The following ITGA9 variants were observed in gnomAD, a reference collection of about 807,000 sequenced individuals.
ITGA9 encodes the protein integrin alpha-9.
A neutral mutation model predicts 127.8 loss-of-function variants in ITGA9; 56 were observed. The ratio of observed to expected loss-of-function variants is 0.44; its 90% confidence interval spans 0.35 to 0.55. The LOEUF (loss-of-function observed/expected upper bound fraction) is 0.55, where lower values mean the gene tolerates loss of function less well. ITGA9 is among the 20% of genes least tolerant of loss of function. The pLI, the probability that ITGA9 is intolerant of heterozygous loss-of-function variation, is 0.00. For synonymous variants in ITGA9, 508 were observed against 514.5 expected (o/e 0.99, Z 0.17); for missense variants, 1,196 against 1,347.1 (o/e 0.89, Z 1.76).
intron 27 of ITGA9, among the ~76,000 whole-genome samples, chr3:37,813,433 A>G (rs1697392570): frequency 6.6e-6 from 1 of 152,114 alleles, no homozygotes; most frequent in African/African-American, 2.4e-5. Context: ...AGTTGAAGTC[A>G]TTATCTTTAC....
intron 23 of ITGA9, among the ~76,000 whole-genome samples, chr3:37,754,975 C>A (rs747272951): frequency 9.9e-5 from 15 of 152,078 alleles, no homozygotes; most frequent in Non-Finnish European, 2.1e-4. Flanking sequence ...CCAAGGATGA[C>A]CTGGAGGAGC....
intron 23 of ITGA9, among the ~76,000 whole-genome samples, chr3:37,756,360 A>G (rs191104898): frequency 6.6e-6 from 1 of 152,206 alleles, no homozygotes; most frequent in East Asian, 1.9e-4. Flanking sequence ...TTAACCATAG[A>G]AACACAAAAA....
intron 26 of ITGA9, among the ~76,000 whole-genome samples, chr3:37,789,700 C>T (rs776824236): frequency 1.3e-4 from 17 of 126,494 alleles, no homozygotes; most frequent in South Asian, 2.7e-4. Flanking sequence ...ACCCAGAAGG[C>T]GGAGCTTGCA....
intron 15 of ITGA9, among the ~76,000 whole-genome samples, chr3:37,608,435 T>C (rs1396772777): frequency 8.8e-6 from 1 of 114,262 alleles, no homozygotes; most frequent in Admixed American, 8.0e-5. Flanking sequence ...CCAAGTAAGA[T>C]TTACAAAACA....
intron 17 of ITGA9, among the ~76,000 whole-genome samples, chr3:37,682,015 T>C (rs1292110015): frequency 6.6e-6 from 1 of 152,162 alleles, no homozygotes; most frequent in Non-Finnish European, 1.5e-5. Context: ...CCCCAGCAAT[T>C]GTTGCCTGTC....
chr3:37,609,560 A>G (rs1329722200), intron 15 of ITGA9, among the ~76,000 whole-genome samples: 3 of 152,326 alleles, frequency 2.0e-5, no homozygotes, highest in Non-Finnish European at 4.4e-5. Flanking sequence ...TGTTAAATCC[A>G]TAATTTGTGA....
intron 11 of ITGA9, among the ~76,000 whole-genome samples, chr3:37,520,691 C>T (rs1699035485): frequency 6.6e-6 from 1 of 152,202 alleles, no homozygotes. Flanking sequence ...ATTCAGCCCA[C>T]AAGGCAGGAG....
chr3:37,765,223 G>T (rs970655792), intron 23 of ITGA9, among the ~76,000 whole-genome samples: 4 of 152,004 alleles, frequency 2.6e-5, no homozygotes, highest in African/African-American at 4.8e-5. Context: ...AGATCGCCCA[G>T]TAGGAATATT....
intron 16 of ITGA9, among the ~76,000 whole-genome samples, chr3:37,644,863 G>C (rs116005906): frequency 9.2e-5 from 14 of 152,314 alleles, no homozygotes; most frequent in Non-Finnish European, 1.8e-4. Flanking sequence ...ATTGATTCTT[G>C]AGGATATGAA....
intron 13 of ITGA9, among the ~76,000 whole-genome samples, chr3:37,529,324 GT>G (rs1366899392): frequency 2.0e-5 from 3 of 152,158 alleles, no homozygotes; most frequent in Non-Finnish European, 4.4e-5. Flanking sequence ...GGGTTACTTG[GT>G]CAGGCAGTGG....
intron 16 of ITGA9, among the ~76,000 whole-genome samples, chr3:37,650,066 T>C (rs1171868273): frequency 6.6e-6 from 1 of 152,224 alleles, no homozygotes; most frequent in Non-Finnish European, 1.5e-5. Flanking sequence ...GTGACTCACG[T>C]AGCCTGCAAG....
intron 16 of ITGA9, among the ~76,000 whole-genome samples, chr3:37,630,917 A>G (rs1328734844): frequency 1.3e-5 from 2 of 152,102 alleles, no homozygotes; most frequent in Non-Finnish European, 1.5e-5. Flanking sequence ...AAGGCTAGAG[A>G]AGAGTAGAAG....
intron 3 of ITGA9, among the ~76,000 whole-genome samples, chr3:37,474,551 G>A (rs576367436): frequency 2.3e-3 from 343 of 152,218 alleles, no homozygotes; most frequent in Non-Finnish European, 3.6e-3. Context: ...GGGTTTTCAC[G>A]CATGTACACT....
At chr3:37,543,489 A>G (rs571978516) in intron 15 of ITGA9, among the ~76,000 whole-genome samples, 19 of 152,334 alleles carry the variant, frequency 1.2e-4, no homozygotes, top group East Asian at 7.7e-4. Flanking sequence ...ACATTACACA[A>G]TGAATTTACT....
Position 37,799,148 on chromosome 3 carries a change from T to C in ITGA9, c.2890-4675T>C, listed in dbSNP as rs1054118965. ...AGTTTTCAAGTACTGAATTAATGGA[T>C]CAAAGGGTATGAACATTTTTATTTT... is the stretch of plus-strand genomic sequence containing the variant. On this transcript the variant is annotated intron_variant, in intron 26 of 27. Coordinates refer to ENST00000264741, the MANE Select transcript of ITGA9 (RefSeq NM_002207.3). The surrounding 1 kb of genome is among the most constrained non-coding windows in gnomAD (Gnocchi z 4.0). Among the ~76,000 whole-genome samples the C allele has an allele frequency of 1.6e-4, 25 of 152,276 alleles. No homozygotes were observed. The highest frequency in any genetic ancestry group is 5.8e-4 in the African/African-American group (24 of 41,566).
chr3:37,694,695 C>A, intron 18 of ITGA9, among the ~76,000 whole-genome samples: 1 of 152,004 alleles, frequency 6.6e-6, no homozygotes, highest in East Asian at 1.9e-4. Context: ...TGTGTTAAAC[C>A]TCTAGATTTC....
chr3:37,642,052 C>T (rs765868303), intron 16 of ITGA9, among the ~76,000 whole-genome samples: 1 of 152,176 alleles, frequency 6.6e-6, no homozygotes, highest in Non-Finnish European at 1.5e-5. Context: ...ATCCTCCCAC[C>T]TCAGCCTCCC....
intron 18 of ITGA9, among the ~76,000 whole-genome samples, chr3:37,685,731 G>A (rs1700776647): frequency 6.6e-6 from 1 of 152,128 alleles, no homozygotes; most frequent in Non-Finnish European, 1.5e-5. Context: ...GCTATTTCCA[G>A]ACTTAGAAAT....
At chr3:37,684,151 T>C (rs1219893129) in intron 18 of ITGA9, 136 bp downstream of exon 18, 3 of 861,644 alleles carry the variant, frequency 3.5e-6, no homozygotes, top group Non-Finnish European at 5.8e-6. Context: ...TGATTAGAAC[T>C]TTTTTCTTCC....
Sources: gnomAD v4.1 joint callset for allele counts (sites outside exome capture counted in the v4.1 genomes callset) on GRCh38, gnomAD v4.1.1 for gene constraint, Gnocchi (gnomAD v3.1) non-coding constraint, MANE v1.5 for transcripts, NCBI Gene and HGNC (gene_info 2026-07-23, HGNC 2026-07-21) for gene names.